MTSS2: variants seen among roughly 807,000 people sequenced by gnomAD.
The protein encoded by MTSS2 is MTSS I-BAR domain containing 2.
MTSS2 carries 27 observed loss-of-function variants against 67.1 expected under a neutral mutation model. The observed-to-expected ratio is 0.40, with a 90% CI of 0.30 to 0.55. MTSS2 has a LOEUF of 0.55. Among genes scored for constraint, MTSS2 ranks in the 20% least tolerant of loss-of-function variants. MTSS2 has a pLI of 0.43. For synonymous variants in MTSS2, 624 were observed against 468.6 expected (o/e 1.33, Z -4.28); for missense variants, 1,171 against 1,067.8 (o/e 1.10, Z -1.35).
In MTSS2 at chr16:70,665,007, C is replaced by T. The variant is rs1445183887; in HGVS notation, c.1218G>A (p.Glu406=). ...GGGTGCCCCCACTGGCAGGGCCTGG[C>T]TCTGTGTCTCGCAGGAGCTCCACTC... ...KDRVELLRDT[E]PGPASGGTLG... is the part of the protein sequence containing the mutation. The change falls in exon 13 of 15, where the codon GAG becomes GAA. Residue 406 remains glutamate (E), a synonymous_variant. Transcript: ENST00000338779. 1 of 1,594,348 alleles carries T rather than the reference C, an allele frequency of 6.3e-7. No homozygotes were observed.
chr16:70,675,654 G>T (rs951881039), intron 10 of MTSS2, among the ~76,000 whole-genome samples: 2 of 152,314 alleles, frequency 1.3e-5, no homozygotes, highest in East Asian at 3.9e-4. Context: ...CTGACCTCGT[G>T]ATCCGCCTGC....
rs1439924210 is a variant in MTSS2, at chr16:70,677,909, C to G, written c.625-10G>C. Reference sequence around the variant, plus strand: ...TGGTCAGCTCTCCATTCTGAGGAAGCAGCGAGTCAGACCTGCTGGCCCTAT... The same window carrying G: ...TGGTCAGCTCTCCATTCTGAGGAAGGAGCGAGTCAGACCTGCTGGCCCTAT... On this transcript the variant is annotated splice_polypyrimidine_tract_variant and intron_variant, in intron 8 of 14. Coordinates refer to ENST00000338779, the MANE Select transcript of MTSS2 (RefSeq NM_138383.3). 6.3e-7 allele frequency: 1 copy of G among 1,580,460 alleles called. No individual in the cohort carries two copies. The highest frequency in any genetic ancestry group is 1.2e-5 in the South Asian group (1 of 86,062).
chr16:70,663,814 G>A lies in MTSS2; in HGVS notation c.2107C>T (p.Pro703Ser), dbSNP rs753512607. 2 of 1,532,228 alleles carry A rather than the reference G, an allele frequency of 1.3e-6. No individual in the cohort carries two copies. Among genetic ancestry groups the A allele is most frequent in the South Asian group, 1.2e-5 (1 of 82,642 alleles). The allele number at this position is 1,532,228 out of a possible 1,614,324, so 94.9% of individuals were successfully genotyped here. A position where few individuals can be genotyped will look rare whatever the true frequency, so the allele number is the denominator to read the frequency against. Reference sequence around the variant, plus strand: ...GGTGGGGTGGGCGTCTCCTCCGTGGGGGTGGCCGACAGAGCAGTGGGGAAG... The same window carrying A: ...GGTGGGGTGGGCGTCTCCTCCGTGGAGGTGGCCGACAGAGCAGTGGGGAAG... The part of the protein sequence containing the change: ...FPFPTALSAT[P>S]TEETPTPPPA... Residue 703 changes from proline to serine, a missense_variant, in exon 15 of 15, where the codon CCC becomes TCC. Physicochemically the swap from Pro to Ser is moderately conservative, Grantham distance 74. Coordinates refer to ENST00000338779, the MANE Select transcript of MTSS2 (RefSeq NM_138383.3).
chr16:70,670,593 C>G (rs2052897265), intron 11 of MTSS2, among the ~76,000 whole-genome samples: 1 of 152,106 alleles, frequency 6.6e-6, no homozygotes, highest in East Asian at 1.9e-4. Flanking sequence ...TAAAACATGG[C>G]TGAATCTCAT....
chr16:70,668,304 G>A (rs1270517278), intron 11 of MTSS2, among the ~76,000 whole-genome samples: 1 of 151,934 alleles, frequency 6.6e-6, no homozygotes, highest in African/African-American at 2.4e-5. Context: ...AGCTACTCAG[G>A]AGGCTGAGGC....
chr16:70,673,021 C>T (rs1423841809), intron 11 of MTSS2, among the ~76,000 whole-genome samples: 1 of 152,014 alleles, frequency 6.6e-6, no homozygotes. Context: ...ATTAGCTGGG[C>T]ATGGTGGTGC....
Position 70,663,015 on chromosome 16 carries a change from GCCC to G in MTSS2, c.*659_*661del, listed in dbSNP as rs2052545439. 7.0e-6 allele frequency: 1 copy of G among 142,128 alleles called. No homozygotes were observed. The highest frequency in any genetic ancestry group is 1.6e-5 in the Non-Finnish European group (1 of 64,058). 8.8% of individuals were successfully genotyped at this position (142,128 alleles called of 1,614,324 possible). Reference sequence around the variant, plus strand: ...GGCGAGGGGTGGGAGCCACCACAGGGCCCCCAAGACCCCCCCCCCCAAGCAGCC... The same window carrying G: ...GGCGAGGGGTGGGAGCCACCACAGGGCCAAGACCCCCCCCCCCAAGCAGCC... On this transcript the variant is annotated 3_prime_UTR_variant, in exon 15 of 15. Transcript: ENST00000338779.
intron 10 of MTSS2, among the ~76,000 whole-genome samples, chr16:70,675,173 A>G (rs1029399145): frequency 3.3e-5 from 5 of 151,568 alleles, no homozygotes; most frequent in African/African-American, 1.2e-4. Flanking sequence ...CACCTGTCCC[A>G]GCACTTTGGG....
chr16:70,680,939 G>A, intron 2 of MTSS2, 25 bp downstream of exon 2: 4 of 1,582,870 alleles, frequency 2.5e-6, no homozygotes, highest in Non-Finnish European at 3.4e-6. Context: ...CCCCTCCCCT[G>A]CTGGGGTGCC....
rs570795530 is a variant in MTSS2, at chr16:70,683,494, A to G, written c.69+2229T>C. Among the ~76,000 whole-genome samples the G allele has an allele frequency of 1.1e-4, 17 of 152,310 alleles. No homozygotes were observed. The East Asian group carries it at 2.5e-3, about 23-fold the overall frequency. ...CCCCACTCTTGAGGGGTGGGTGAAG[A>G]GTATGACCCCATTTTCTGGCTGGGC... is the stretch of plus-strand genomic sequence containing the variant. On this transcript the variant is annotated intron_variant, in intron 1 of 14. Transcript: ENST00000338779.
intron 10 of MTSS2, 100 bp downstream of exon 10, chr16:70,676,781 G>A: frequency 2.0e-6 from 2 of 993,562 alleles, no homozygotes; most frequent in Non-Finnish European, 1.5e-6. Context: ...TGTGAATTTT[G>A]AGGCCCTGAA....
chr16:70,668,183 TG>T, intron 11 of MTSS2, among the ~76,000 whole-genome samples: 2 of 151,412 alleles, frequency 1.3e-5, no homozygotes, highest in East Asian at 3.9e-4. Context: ...GAGGCTGAGG[TG>T]GGTGGATTGC....
In MTSS2 at chr16:70,664,175, G is replaced by A. The variant is rs1444282752; in HGVS notation, c.1746C>T (p.Gly582=). The change falls in exon 15 of 15, where the codon GGC becomes GGT. Residue 582 remains glycine (G), a synonymous_variant. Transcript: ENST00000338779. ...PTVRRALSSA[G]PIPIRPPIVP... ...CGATGGGCGGCCGGATGGGGATGGGGCCAGCGCTGGACAGGGCGCGGCGCA... is the reference window on the plus strand; with the variant it reads ...CGATGGGCGGCCGGATGGGGATGGGACCAGCGCTGGACAGGGCGCGGCGCA... The A allele has an allele frequency of 1.2e-6, 2 of 1,604,746 alleles. No homozygotes were observed. The highest frequency in any genetic ancestry group is 1.7e-6 in the Non-Finnish European group (2 of 1,179,212).
rs770567311 is a variant in MTSS2, at chr16:70,677,806, G to A, written c.718C>T (p.Pro240Ser). Reference protein sequence around the residue: ...VLTAEPHKLPPASEQVIKDLK... With the variant: ...VLTAEPHKLPSASEQVIKDLK... ...GGCTCCCGCACCTGCTCGCTGGCGG[G>A]AGGCAGTTTGTGGGGTTCTGCTGTC... The change falls in exon 9 of 15, where the codon CCC becomes TCC. Residue 240 changes from proline (P) to serine (S), a missense_variant. By Grantham distance (74) the Pro-to-Ser change is moderately conservative. This residue lies in a region of MTSS2 where 924 missense variants were observed against 756.0 expected (regional missense o/e 1.22). Transcript: ENST00000338779. 2 of 1,610,462 alleles carry A rather than the reference G, an allele frequency of 1.2e-6. No individual in the cohort carries two copies. Among genetic ancestry groups the A allele is most frequent in the Admixed American group, 1.7e-5 (1 of 59,626 alleles).
chr16:70,665,383 G>T, intron 12 of MTSS2, 83 bp downstream of exon 12: 1 of 1,400,140 alleles, frequency 7.1e-7, no homozygotes. Flanking sequence ...CAGGCCCTTT[G>T]TGCAGTAATG....
Position 70,680,020 on chromosome 16 carries a change from T to G in MTSS2, c.241A>C (p.Met81Leu). ...TRDIGSALTR[M>L]CMRHRSIETK... ...TCGATGCTGCGGTGGCGCATGCACA[T>G]GCGTGTGAGCGCCGAGCCGATGTCC... The change falls in exon 4 of 15, where the codon ATG becomes CTG. Residue 81 changes from methionine (M) to leucine (L), a missense_variant. By Grantham distance (15) the Met-to-Leu change is conservative. Around this residue, in one of 2 missense-constraint regions of MTSS2, gnomAD observed 247 missense variants for 311.8 expected, o/e 0.79. Coordinates refer to ENST00000338779, the MANE Select transcript of MTSS2 (RefSeq NM_138383.3). The G allele has an allele frequency of 6.5e-7, 1 of 1,533,544 alleles. No individual in the cohort carries two copies. The highest frequency in any genetic ancestry group is 1.2e-5 in the South Asian group (1 of 84,876). 95.0% of individuals were successfully genotyped at this position (1,533,544 alleles called of 1,614,324 possible). A position where few individuals can be genotyped will look rare whatever the true frequency, so the allele number is the denominator to read the frequency against.
chr16:70,684,698 A>C (rs889870827), intron 1 of MTSS2, among the ~76,000 whole-genome samples: 1 of 152,126 alleles, frequency 6.6e-6, no homozygotes, highest in African/African-American at 2.4e-5. Context: ...CCAGCCCCCA[A>C]ATCCTGCCCC....
At chr16:70,676,194 T>C (rs897873735) in intron 10 of MTSS2, among the ~76,000 whole-genome samples, 5 of 152,218 alleles carry the variant, frequency 3.3e-5, no homozygotes, top group African/African-American at 1.2e-4. Context: ...CCAAGGAAGC[T>C]TGAACCATCA....
At chr16:70,665,140 C>G (rs773878177) in intron 12 of MTSS2, 44 bp from the exon 13 acceptor site, 1 of 1,549,536 alleles carries the variant, frequency 6.5e-7, no homozygotes, top group South Asian at 1.2e-5. Context: ...CTGGCCCTAC[C>G]ACCTATGGCC....
Sources: allele counts gnomAD v4.1 joint callset (sites outside exome capture counted in the v4.1 genomes callset), GRCh38; gene constraint gnomAD v4.1.1; regional missense constraint gnomAD v4.1.1; transcripts MANE v1.5; gene names NCBI Gene and HGNC (gene_info 2026-07-23, HGNC 2026-07-21).